The following TICRR variants were observed in gnomAD, a reference collection of about 807,000 sequenced individuals.
The protein encoded by TICRR is TOPBP1 interacting checkpoint and replication regulator, also known as treslin.
TICRR carries 132 observed loss-of-function variants against 178.1 expected under a neutral mutation model. That is an observed-to-expected ratio of 0.74 (90% CI 0.64 to 0.86). The LOEUF is 0.86. Among genes scored for constraint, TICRR ranks in the 40% least tolerant of loss-of-function variants. The pLI is 0.00. For missense variants in TICRR, 2,587 were observed against 2,334.3 expected (o/e 1.11, Z -2.23); for synonymous variants, 991 against 900.7 (o/e 1.10, Z -1.79).
Position 89,624,602 on chromosome 15 carries a change from CTCA to C in TICRR, c.4293_4295del (p.Gln1432del). The C allele has an allele frequency of 1.9e-6, 3 of 1,613,978 alleles. No homozygotes were observed. Among genetic ancestry groups the C allele is most frequent in the Non-Finnish European group, 2.5e-6 (3 of 1,180,020 alleles). On this transcript the variant is annotated inframe_deletion, in exon 20 of 22. Coordinates refer to ENST00000268138, the MANE Select transcript of TICRR (RefSeq NM_152259.4). ...GACCAGAAGGGACTGAGCCTCTCTC[CTCA>C]GTCTCCTCCTGAAAGACGGGGCTAC...
Position 89,592,176 on chromosome 15 carries a change from G to T in TICRR, c.1541G>T (p.Gly514Val). Residue 514 changes from glycine (G) to valine (V), a missense_variant and splice_region_variant, in exon 5 of 22, where the codon GGG (glycine) becomes GTG (valine). Transcript: ENST00000268138. ...GASSDLMESF[G>V]LLQAASANKE... is the part of the protein sequence containing the mutation. The stretch of plus-strand genomic sequence containing the variant: ...AGTTCCGATTTGATGGAGTCATTTG[G>T]GTAAAACGTTTTTATATCTCTTGAA... The T allele has an allele frequency of 6.2e-7, 1 of 1,609,320 alleles. No homozygotes were observed. Among genetic ancestry groups the T allele is most frequent in the Non-Finnish European group, 8.5e-7 (1 of 1,176,488 alleles).
chr15:89,589,846 G>A (rs1242265677), intron 4 of TICRR, among the ~76,000 whole-genome samples: 4 of 151,886 alleles, frequency 2.6e-5, no homozygotes, highest in Non-Finnish European at 4.4e-5. Flanking sequence ...CTGGGTGTGG[G>A]GACACATGCC....
In TICRR at chr15:89,575,519, T is replaced by A; in HGVS notation, c.-68T>A. The A allele has an allele frequency of 1.4e-6, 2 of 1,394,496 alleles. No individual in the cohort carries two copies. Among genetic ancestry groups the A allele is most frequent in the Non-Finnish European group, 1.9e-6 (2 of 1,068,436 alleles). The allele number at this position is 1,394,496 out of a possible 1,614,324, so 86.4% of individuals were successfully genotyped here. A position where few individuals can be genotyped will look rare whatever the true frequency, so the allele number is the denominator to read the frequency against. ...AAAGCAGTGAGTGGTGCTGTTTCCC[T>A]GAAGGAAGGGACTAAGGGACGGTGG... On this transcript the variant is annotated 5_prime_UTR_variant, in exon 1 of 22. Transcript: ENST00000268138.
chr15:89,618,149 G>A lies in TICRR; in HGVS notation c.2961-3G>A, dbSNP rs1309764308. On this transcript the variant is annotated splice_region_variant and splice_polypyrimidine_tract_variant and intron_variant, in intron 16 of 21. Transcript: ENST00000268138. The stretch of plus-strand genomic sequence containing the variant: ...GTAATCCTTGTGCATGTGGTTCCTC[G>A]AGGTCCTCTGATCCTGGTCCTGATA... 5.6e-6 allele frequency: 9 copies of A among 1,613,926 alleles called. No homozygotes were observed. Among genetic ancestry groups the A allele is most frequent in the East Asian group, 2.2e-5 (1 of 44,886 alleles).
rs769022345 is a variant in TICRR at position 89,625,742 on chromosome 15, C to A, written c.5432C>A (p.Ala1811Glu). 4 of 1,612,684 alleles carry A rather than the reference C, an allele frequency of 2.5e-6. No individual in the cohort carries two copies. Among genetic ancestry groups the A allele is most frequent in the Non-Finnish European group, 1.7e-6 (2 of 1,179,696 alleles). ...KSKEGSPSWSAWQLPSTGDEE... is the reference protein window; with the variant it reads ...KSKEGSPSWSEWQLPSTGDEE... ...AAAGAGGGGTCTCCAAGTTGGAGTGCATGGCAGCTACCCTCCACGGGAGAC... is the reference window on the plus strand; with the variant it reads ...AAAGAGGGGTCTCCAAGTTGGAGTGAATGGCAGCTACCCTCCACGGGAGAC... Residue 1811 changes from alanine (A) to glutamate (E), a missense_variant, in exon 20 of 22, where the codon GCA becomes GAA. Transcript: ENST00000268138.
intron 4 of TICRR, among the ~76,000 whole-genome samples, chr15:89,590,213 C>T (rs943582020): frequency 3.9e-5 from 6 of 152,034 alleles, no homozygotes; most frequent in Non-Finnish European, 5.9e-5. Context: ...GTTGAAAGGA[C>T]GTAGTGTACA....
chr15:89,576,139 C>G lies in TICRR; in HGVS notation c.553C>G (p.Pro185Ala). 6.2e-7 allele frequency: 1 copy of G among 1,608,496 alleles called. No homozygotes were observed. The highest frequency in any genetic ancestry group is 8.5e-7 in the Non-Finnish European group (1 of 1,179,994). ...EAQAQRLPPT[P>A]KQVMEKLLPK... ...CCAGGCCCAGCGCCTGCCGCCCACC[C>G]CTAAGCAGGTGATGGAGAAGTTGTT... Residue 185 changes from proline (P) to alanine (A), a missense_variant, in exon 1 of 22, where the codon CCT becomes GCT. Transcript: ENST00000268138.
chr15:89,616,333 T>A (rs925222776), intron 15 of TICRR, 72 bp from the exon 16 acceptor site: 2 of 1,303,492 alleles, frequency 1.5e-6, no homozygotes, highest in Middle Eastern at 1.8e-4. Flanking sequence ...TTCAAACTGC[T>A]CCCTTGGCCT....
chr15:89,613,734 C>CTTTTTTTTTTTTTTTTTTTTTTCTT (rs1555421774), intron 15 of TICRR, among the ~76,000 whole-genome samples: 1 of 61,570 alleles, frequency 1.6e-5, no homozygotes. Flanking sequence ...TTTCTATTCG[C>CTTTTTTTTTTTTTTTTTTTTTTCTT]TTTTTTTTTT....
intron 4 of TICRR, among the ~76,000 whole-genome samples, chr15:89,589,303 CTG>C (rs1195222510): frequency 6.6e-6 from 1 of 152,100 alleles, no homozygotes; most frequent in African/African-American, 2.4e-5. Context: ...GGTGCTGAAC[CTG>C]TGAGTTTGGG....
chr15:89,607,262 A>G (rs1285197274), intron 14 of TICRR, among the ~76,000 whole-genome samples: 1 of 152,168 alleles, frequency 6.6e-6, no homozygotes, highest in African/African-American at 2.4e-5. Flanking sequence ...TATCAATGCT[A>G]AAGATATTTT....
At chr15:89,609,153 C>CAGGTTGGA (rs900856634) in intron 15 of TICRR, among the ~76,000 whole-genome samples, 3 of 107,692 alleles carry the variant, frequency 2.8e-5, no homozygotes, top group African/African-American at 1.2e-4. Context: ...CTCTATCACC[C>CAGGTTGGA]AGGTTGGAGT....
In TICRR at chr15:89,608,849, C is replaced by T. The variant is rs975205560; in HGVS notation, c.2769C>T (p.Ser923=). 1 of 1,606,366 alleles carries T rather than the reference C, an allele frequency of 6.2e-7. No individual in the cohort carries two copies. Residue 923 remains serine, a synonymous_variant, in exon 15 of 22, where the codon TCC becomes TCT. Transcript: ENST00000268138. ...RRNLFNQELL[S]PSKRSLKRGL... is the part of the protein sequence containing the mutation. The stretch of plus-strand genomic sequence containing the variant: ...ATCTTTTCAACCAGGAATTGCTTTC[C>T]CCTTCAAAGAGATCACTAAAGCGGG...
At chr15:89,616,356 T>G in intron 15 of TICRR, 49 bp from the exon 16 acceptor site, 2 of 1,543,564 alleles carry the variant, frequency 1.3e-6, no homozygotes, top group Non-Finnish European at 8.9e-7. Context: ...CTGCTGCTTC[T>G]TGATGAGGTT....
intron 1 of TICRR, among the ~76,000 whole-genome samples, chr15:89,578,111 G>A (rs757595281): frequency 5.3e-5 from 8 of 152,154 alleles, no homozygotes; most frequent in Non-Finnish European, 1.2e-4. Context: ...CAGAAAGCAG[G>A]AGAGGCCGAT....
Position 89,614,334 on chromosome 15 carries a change from A to C in TICRR, c.2870-2071A>C, listed in dbSNP as rs201040529. Reference sequence around the variant, plus strand: ...ACAACTGGATTTTTTTTTTTTTTTGAGATGGAGTCTTGCTCTGTCACTCAG... The same window carrying C: ...ACAACTGGATTTTTTTTTTTTTTTGCGATGGAGTCTTGCTCTGTCACTCAG... On this transcript the variant is annotated intron_variant, in intron 15 of 21. Coordinates refer to ENST00000268138, the MANE Select transcript of TICRR (RefSeq NM_152259.4). 4.8e-5 allele frequency among the ~76,000 whole-genome samples: 6 copies of C among 126,186 alleles called. No homozygotes were observed. In the East Asian group the frequency reaches 1.3e-3, roughly 28 times the overall value. The allele number at this position is 126,186 out of a possible 152,430, so 82.8% of individuals were successfully genotyped here.
intron 7 of TICRR, among the ~76,000 whole-genome samples, chr15:89,597,853 C>G (rs1452867666): frequency 2.6e-5 from 4 of 152,166 alleles, no homozygotes; most frequent in Non-Finnish European, 5.9e-5. Context: ...TTGAGTCTTT[C>G]TTGCTGTGAA....
intron 12 of TICRR, among the ~76,000 whole-genome samples, chr15:89,602,415 C>T (rs1377697912): frequency 6.6e-6 from 1 of 152,088 alleles, no homozygotes; most frequent in Non-Finnish European, 1.5e-5. Flanking sequence ...ATATAGGCTC[C>T]ATTATAACCT....
rs1227314770 is a variant in TICRR at position 89,624,916 on chromosome 15, G to A, written c.4606G>A (p.Ala1536Thr). Residue 1536 changes from alanine to threonine, a missense_variant, in exon 20 of 22, where the codon GCT becomes ACT. Physicochemically the swap from Ala to Thr is moderately conservative, Grantham distance 58. Transcript: ENST00000268138. ...TACCACAGATGGGAGACAGTGCCAG[G>A]CTTCGGCACAACTAGACAACCTGCC... Reference protein sequence around the residue: ...HCTTDGRQCQASAQLDNLPAS... With the variant: ...HCTTDGRQCQTSAQLDNLPAS... 6.2e-7 allele frequency: 1 copy of A among 1,614,064 alleles called. No individual in the cohort carries two copies. Among genetic ancestry groups the A allele is most frequent in the South Asian group, 1.1e-5 (1 of 91,076 alleles).
Sources: gnomAD v4.1 joint callset for allele counts (sites outside exome capture counted in the v4.1 genomes callset) on GRCh38, gnomAD v4.1.1 for gene constraint, MANE v1.5 for transcripts, NCBI Gene and HGNC (gene_info 2026-07-23, HGNC 2026-07-21) for gene names.